Variants in ZMYM4 observed in about 807,000 individuals in gnomAD.
The protein encoded by ZMYM4 is zinc finger MYM-type protein 4.
A neutral mutation model predicts 183.2 loss-of-function variants in ZMYM4; 31 were observed. That is an observed-to-expected ratio of 0.17 (90% CI 0.13 to 0.23). ZMYM4 has a LOEUF of 0.23. Among genes scored for constraint, ZMYM4 ranks in the 10% least tolerant of loss-of-function variants. ZMYM4 has a pLI of 1.00. For missense variants in ZMYM4, 1,273 were observed against 1,840.3 expected, an observed-to-expected ratio of 0.69 and a Z score of 5.64; for synonymous variants, 592 against 631.2, an observed-to-expected ratio of 0.94 and a Z score of 0.93.
chr1:35,278,113 A>C (rs1639962960), intron 1 of ZMYM4, among the ~76,000 whole-genome samples: 1 of 151,868 alleles, frequency 6.6e-6, no homozygotes, highest in African/African-American at 2.4e-5. Context: ...GTATTCCTTG[A>C]CTTGTGGCGG....
intron 1 of ZMYM4, among the ~76,000 whole-genome samples, chr1:35,289,057 G>A (rs1177745485): frequency 1.3e-5 from 2 of 152,012 alleles, no homozygotes; most frequent in Non-Finnish European, 2.9e-5. Flanking sequence ...TAGTGGTGGG[G>A]GTAAGATAGA....
chr1:35,330,806 C>T (rs1353418414), intron 2 of ZMYM4, among the ~76,000 whole-genome samples: 1 of 152,182 alleles, frequency 6.6e-6, no homozygotes, highest in African/African-American at 2.4e-5. Context: ...GCTACTAAGA[C>T]CCTCCTTCCA....
intron 1 of ZMYM4, among the ~76,000 whole-genome samples, chr1:35,302,510 C>T (rs1363688398): frequency 1.3e-5 from 2 of 151,180 alleles, no homozygotes; most frequent in South Asian, 2.1e-4. Flanking sequence ...CTCAGCCTCC[C>T]GAGTAGCTGG....
chr1:35,387,317 C>T (rs368176014), intron 12 of ZMYM4, 39 bp downstream of exon 12: 31 of 1,597,360 alleles, frequency 1.9e-5, no homozygotes, highest in Admixed American at 6.9e-5. Flanking sequence ...TTTGAGTATA[C>T]GTGGGTCTAT....
chr1:35,289,500 A>G (rs763600394), intron 1 of ZMYM4, among the ~76,000 whole-genome samples: 2 of 152,198 alleles, frequency 1.3e-5, no homozygotes, highest in Non-Finnish European at 2.9e-5. Flanking sequence ...AAGAATACAC[A>G]GTGGTCGGGA....
At chr1:35,270,525 G>C (rs747689991) in intron 1 of ZMYM4, among the ~76,000 whole-genome samples, 1 of 152,124 alleles carries the variant, frequency 6.6e-6, no homozygotes, top group Non-Finnish European at 1.5e-5. Context: ...TTGGGAGGCC[G>C]AGGCGGCAGG....
chr1:35,349,984 GAC>G (rs1317034207), intron 2 of ZMYM4, among the ~76,000 whole-genome samples: 1 of 149,308 alleles, frequency 6.7e-6, no homozygotes, highest in African/African-American at 2.5e-5. Context: ...ATATTTTAAA[GAC>G]AGAGTCTCTC....
intron 26 of ZMYM4, among the ~76,000 whole-genome samples, chr1:35,410,725 C>T (rs1221748471): frequency 6.1e-5 from 9 of 148,146 alleles, no homozygotes; most frequent in African/African-American, 1.3e-4. Context: ...TCTCCCACCT[C>T]GTGATCCGCC....
chr1:35,368,061 G>GGC (rs1558095413), intron 5 of ZMYM4, among the ~76,000 whole-genome samples: 12 of 98,280 alleles, frequency 1.2e-4, no homozygotes, highest in Non-Finnish European at 1.6e-4. Context: ...CAAATCCAGC[G>GGC]CCCCCCCCCC....
In ZMYM4 at chr1:35,389,160, G is replaced by A; in HGVS notation, c.2436+78G>A. The stretch of plus-strand genomic sequence containing the variant: ...CTTTTAAAATTTCATGTCACATAAA[G>A]GACAATTTAATTATTTAAAACTTTT... On this transcript the variant is annotated intron_variant, in intron 14 of 29. Coordinates refer to ENST00000314607, the MANE Select transcript of ZMYM4 (RefSeq NM_005095.3). The surrounding 1 kb of genome is among the most constrained non-coding windows in gnomAD (Gnocchi z 4.0). The A allele has an allele frequency of 7.1e-7, 1 of 1,411,244 alleles. No homozygotes were observed. 87.4% of individuals were successfully genotyped at this position (1,411,244 alleles called of 1,614,324 possible).
At chr1:35,302,143 C>T (rs533239483) in intron 1 of ZMYM4, among the ~76,000 whole-genome samples, 8 of 150,966 alleles carry the variant, frequency 5.3e-5, no homozygotes, top group Non-Finnish European at 1.2e-4. Context: ...AGCTCACAGG[C>T]CAAATTCTAG....
intron 5 of ZMYM4, among the ~76,000 whole-genome samples, chr1:35,368,997 A>C (rs934679661): frequency 2.0e-5 from 3 of 152,130 alleles, no homozygotes; most frequent in Admixed American, 1.3e-4. Flanking sequence ...TTTGTACCTG[A>C]GGCATGTGCC....
At chr1:35,414,122 T>G (rs1640019367) in intron 27 of ZMYM4, 39 bp downstream of exon 27, 1 of 1,211,134 alleles carries the variant, frequency 8.3e-7, no homozygotes, top group African/African-American at 1.5e-5. Context: ...ATGATATGCT[T>G]TCTTAAATTG....
chr1:35,327,978 C>G (rs1035503107), intron 2 of ZMYM4, among the ~76,000 whole-genome samples: 2 of 152,120 alleles, frequency 1.3e-5, no homozygotes, highest in Non-Finnish European at 2.9e-5. Context: ...TACTCACTTT[C>G]GCCAAATAAT....
At chr1:35,405,590 A>T in intron 25 of ZMYM4, 122 bp downstream of exon 25, 1 of 789,870 alleles carries the variant, frequency 1.3e-6, no homozygotes, top group South Asian at 2.5e-5. Flanking sequence ...AAGAGAAATT[A>T]ATCTTATCCC....
At chr1:35,397,216 C>G in intron 19 of ZMYM4, 161 bp from the exon 20 acceptor site, 3 of 1,065,150 alleles carry the variant, frequency 2.8e-6, no homozygotes, top group Non-Finnish European at 3.6e-6. Flanking sequence ...TTAAATGGCT[C>G]TAGTCTTATA....
intron 1 of ZMYM4, among the ~76,000 whole-genome samples, chr1:35,294,092 G>A (rs985132607): frequency 1.3e-5 from 2 of 150,348 alleles, no homozygotes; most frequent in South Asian, 2.1e-4. Context: ...CCAAGATTGC[G>A]CCACTGCACT....
chr1:35,392,745 T>C, intron 17 of ZMYM4, 61 bp downstream of exon 17: 1 of 1,304,076 alleles, frequency 7.7e-7, no homozygotes, highest in Non-Finnish European at 1.1e-6. Flanking sequence ...TCATACAGTA[T>C]AAATATGTGT....
At chr1:35,381,855 G>A in intron 9 of ZMYM4, 97 bp downstream of exon 9, 7 of 1,441,354 alleles carry the variant, frequency 4.9e-6, no homozygotes, top group Non-Finnish European at 6.6e-6. Flanking sequence ...TGCAATATTG[G>A]GTTTACTGGC....
Sources: gnomAD v4.1 joint callset for allele counts (sites outside exome capture counted in the v4.1 genomes callset) on GRCh38, gnomAD v4.1.1 for gene constraint, Gnocchi (gnomAD v3.1) non-coding constraint, MANE v1.5 for transcripts, NCBI Gene and HGNC (gene_info 2026-07-23, HGNC 2026-07-21) for gene names.